The following MIA2 variants were observed in gnomAD, a reference collection of about 807,000 sequenced individuals.
MIA2 encodes melanoma inhibitory activity protein 2.
A neutral mutation model predicts 167.8 loss-of-function variants in MIA2; 127 were observed. That is an observed-to-expected ratio of 0.76 (90% CI 0.66 to 0.88). The LOEUF (loss-of-function observed/expected upper bound fraction) is 0.88. Ranked by LOEUF, MIA2 falls within the 40% of genes least tolerant of loss-of-function variation. The pLI is 0.00. For synonymous variants in MIA2, 552 were observed against 541.9 expected, an observed-to-expected ratio of 1.02 and a Z score of -0.26; for missense variants, 1,690 against 1,624.7, an observed-to-expected ratio of 1.04 and a Z score of -0.69.
At chr14:39,386,026 A>C (rs1287531969) in intron 23 of MIA2, 3 of 1,027,820 alleles carry the variant, frequency 2.9e-6, no homozygotes, top group African/African-American at 3.2e-5. Flanking sequence ...CTGTCATGAC[A>C]ACTCTGGGCC....
At chr14:39,294,118 T>A (rs751879419) in intron 12 of MIA2, 47 bp downstream of exon 12, 8 of 1,354,908 alleles carry the variant, frequency 5.9e-6, no homozygotes, top group Non-Finnish European at 8.3e-6. Context: ...GAAATAATTT[T>A]AGTTTAATTT....
At chr14:39,279,219 TATTTATACAAAGGCAATAA>T in intron 7 of MIA2, 99 bp from the exon 8 acceptor site, 1 of 812,626 alleles carries the variant, frequency 1.2e-6, no homozygotes, top group Non-Finnish European at 2.0e-6. Flanking sequence ...TTTTGGCTTG[TATTTATACAAAGGCAATAA>T]GAAACCTGTA....
chr14:39,240,703 GT>G (rs2053998628), intron 3 of MIA2, 56 bp downstream of exon 3: 4 of 1,280,462 alleles, frequency 3.1e-6, no homozygotes, highest in Non-Finnish European at 4.5e-6. Flanking sequence ...GGTTAAAACA[GT>G]TTTCCCAGGT....
At chr14:39,358,291 AT>A (rs1290464286) in intron 23 of MIA2, among the ~76,000 whole-genome samples, 1 of 151,838 alleles carries the variant, frequency 6.6e-6, no homozygotes, top group Non-Finnish European at 1.5e-5. Flanking sequence ...TTCTCGCTTC[AT>A]TTCATTCATT....
chr14:39,310,977 G>A (rs1282832209), intron 18 of MIA2, among the ~76,000 whole-genome samples: 1 of 152,104 alleles, frequency 6.6e-6, no homozygotes, highest in African/African-American at 2.4e-5. Flanking sequence ...GTAAAACTTG[G>A]ATATAAAAGT....
rs548554106 is a variant in MIA2 at position 39,270,510 on chromosome 14, T to TTTG, written c.1888-6409_1888-6407dup. Reference sequence around the variant, plus strand: ...CCCCCCACCCGGCTTTACTCTGTTTTTTGTTGTTGTTGTTGTTTGTTTGTT... The same window carrying TTTG: ...CCCCCCACCCGGCTTTACTCTGTTTTTTGTTGTTGTTGTTGTTGTTTGTTTGTT... On this transcript the variant is annotated intron_variant, in intron 6 of 28. Coordinates refer to ENST00000640607, the MANE Select transcript of MIA2 (RefSeq NM_001329214.4). Among the ~76,000 whole-genome samples, 143 of 152,060 alleles carry TTTG rather than the reference T, an allele frequency of 9.4e-4. 2 individuals carry two copies. In the East Asian group the frequency reaches 0.025, roughly 27 times the overall value.
rs576397380 is a variant in MIA2, at chr14:39,313,147, A to G, written c.3018-193A>G. 5.5e-5 allele frequency among the ~76,000 whole-genome samples: 6 copies of G among 108,170 alleles called. No individual in the cohort carries two copies. The South Asian group carries it at 1.8e-3, about 32-fold the overall frequency. 71.0% of individuals were successfully genotyped at this position (108,170 alleles called of 152,430 possible). ...TCTGTATTAGACACAATGCTTTACA[A>G]TTTCGGTTTATAATATTAAATTCAA... On this transcript the variant is annotated intron_variant, in intron 18 of 28. Coordinates refer to ENST00000640607, the MANE Select transcript of MIA2 (RefSeq NM_001329214.4).
intron 23 of MIA2, chr14:39,386,427 T>C: frequency 6.4e-7 from 1 of 1,552,354 alleles, no homozygotes; most frequent in Non-Finnish European, 8.9e-7. Flanking sequence ...AGGCTGTTTC[T>C]AGCAGAACCT....
rs1327142659 is a variant in MIA2 at position 39,299,309 on chromosome 14, T to C, written c.2497-555T>C. Among the ~76,000 whole-genome samples the C allele has an allele frequency of 4.6e-5, 6 of 130,076 alleles. 1 individual carries two copies. Among genetic ancestry groups the C allele is most frequent in the African/African-American group, 1.4e-4 (5 of 35,106 alleles). 85.3% of individuals were successfully genotyped at this position (130,076 alleles called of 152,430 possible). On this transcript the variant is annotated intron_variant, in intron 13 of 28. Coordinates refer to ENST00000640607, the MANE Select transcript of MIA2 (RefSeq NM_001329214.4). ...TGTTCTAGATTAATGGTATTTCTTT[T>C]TTTTTTTTTTTTTTTTTGAGACGGA...
At chr14:39,280,911 G>GTTTTT (rs751903170) in intron 9 of MIA2, among the ~76,000 whole-genome samples, 42 of 60,210 alleles carry the variant, frequency 7.0e-4, no homozygotes, top group Non-Finnish European at 8.4e-4. Context: ...TATTAGTTTA[G>GTTTTT]TTTTTTTTTT....
chr14:39,329,886 G>A (rs1353799244), intron 25 of MIA2, among the ~76,000 whole-genome samples: 1 of 152,050 alleles, frequency 6.6e-6, no homozygotes, highest in Non-Finnish European at 1.5e-5. Flanking sequence ...TTTTATTGAG[G>A]ATTTTTGCAT....
chr14:39,288,463 A>ATT (rs1371000878), intron 9 of MIA2, among the ~76,000 whole-genome samples: 34 of 29,902 alleles, frequency 1.1e-3, no homozygotes, highest in Non-Finnish European at 1.6e-3. Context: ...ATATATATAT[A>ATT]TATATATATA....
chr14:39,349,079 T>G, intron 28 of MIA2, 102 bp downstream of exon 28: 13 of 1,353,914 alleles, frequency 9.6e-6, no homozygotes, highest in Middle Eastern at 2.4e-4. Context: ...GGAGGAAAGT[T>G]TTTTCTAGCA....
chr14:39,333,556 A>G (rs1428994876), intron 25 of MIA2, among the ~76,000 whole-genome samples: 2 of 152,152 alleles, frequency 1.3e-5, no homozygotes, highest in Non-Finnish European at 2.9e-5. Context: ...TTCTTCAGGC[A>G]AGAAAGTTTT....
intron 13 of MIA2, 136 bp downstream of exon 13, chr14:39,295,165 A>C: frequency 1.5e-6 from 1 of 668,868 alleles, no homozygotes; most frequent in South Asian, 1.7e-5. Flanking sequence ...TCTCCCATAC[A>C]TATTTCAGTG....
intron 21 of MIA2, among the ~76,000 whole-genome samples, chr14:39,317,435 C>G (rs1348549498): frequency 6.6e-6 from 1 of 152,062 alleles, no homozygotes; most frequent in Non-Finnish European, 1.5e-5. Context: ...TTTCAATGAA[C>G]TAATCACCCA....
intron 25 of MIA2, among the ~76,000 whole-genome samples, chr14:39,332,176 T>A (rs987120077): frequency 3.3e-5 from 5 of 152,194 alleles, no homozygotes; most frequent in African/African-American, 1.2e-4. Flanking sequence ...TCTTCACGCT[T>A]TATTTTAGTA....
intron 6 of MIA2, among the ~76,000 whole-genome samples, chr14:39,256,464 T>A (rs1351463404): frequency 6.6e-6 from 1 of 152,176 alleles, no homozygotes; most frequent in Non-Finnish European, 1.5e-5. Flanking sequence ...AGAACATACT[T>A]GCTTTGTAAT....
At chr14:39,386,938 G>A (rs2075281923) in exon 24 of MIA2, 1 of 773,362 alleles carries the variant, frequency 1.3e-6, no homozygotes, top group East Asian at 2.6e-5. Flanking sequence ...GGGCCTAGGA[G>A]GGCCCCAGAA....
Sources: gnomAD v4.1 joint callset for allele counts (sites outside exome capture counted in the v4.1 genomes callset) on GRCh38, gnomAD v4.1.1 for gene constraint, MANE v1.5 for transcripts, NCBI Gene and HGNC (gene_info 2026-07-23, HGNC 2026-07-21) for gene names.